Variants in ATXN2 observed in about 807,000 individuals in gnomAD.
ATXN2 encodes the protein ataxin 2, also known as ataxin-2.
Under a neutral mutation model 138.6 loss-of-function variants are expected in ATXN2, and 37 were observed. The observed-to-expected ratio is 0.27, with a 90% confidence interval of 0.21 to 0.35. ATXN2 has a LOEUF of 0.35. ATXN2 is among the 10% of genes least tolerant of loss of function. The pLI, the probability that ATXN2 is intolerant of heterozygous loss-of-function variation, is 1.00. For missense variants in ATXN2, 1,216 were observed against 1,480.3 expected (o/e 0.82, Z 2.93); for synonymous variants, 549 against 543.7 (o/e 1.01, Z -0.13).
In ATXN2 at chr12:111,539,588, A is replaced by G. The variant is rs529426826; in HGVS notation, c.571+12692T>C. ...CGGTGAAACCCCGTCTCTACTAAAA[A>G]TACAAAAAATTAGCCGGGCGCTGTG... On this transcript the variant is annotated intron_variant, in intron 5 of 24. Transcript: ENST00000673436. Among the ~76,000 whole-genome samples, 13 of 149,832 alleles carry G rather than the reference A, an allele frequency of 8.7e-5. 1 individual carries two copies. Among genetic ancestry groups the G allele is most frequent in the African/African-American group, 2.7e-4 (11 of 41,326 alleles).
At chr12:111,513,116 A>G in intron 11 of ATXN2, 1 of 460,726 alleles carries the variant, frequency 2.2e-6, no homozygotes, top group Non-Finnish European at 3.8e-6. Flanking sequence ...CTAGGCAAGA[A>G]TTATTAACAC....
Position 111,452,510 on chromosome 12 carries a change from A to G in ATXN2, c.*302T>C. On this transcript the variant is annotated 3_prime_UTR_variant, in exon 25 of 25. Coordinates refer to ENST00000673436, the MANE Select transcript of ATXN2 (RefSeq NM_001372574.1). Reference sequence around the variant, plus strand: ...TCTTTTGCTAGCTGATGTGTTCATGACTTTCAAGGGTTATTAAAAAATAAA... The same window carrying G: ...TCTTTTGCTAGCTGATGTGTTCATGGCTTTCAAGGGTTATTAAAAAATAAA... 1 of 274,296 alleles carries G rather than the reference A, an allele frequency of 3.6e-6. No individual in the cohort carries two copies. Among genetic ancestry groups the G allele is most frequent in the Middle Eastern group, 1.1e-3 (1 of 896 alleles). The allele number at this position is 274,296 out of a possible 1,614,324, so 17.0% of individuals were successfully genotyped here.
At chr12:111,557,543 G>A (rs1592898565) in intron 1 of ATXN2, among the ~76,000 whole-genome samples, 1 of 152,242 alleles carries the variant, frequency 6.6e-6, no homozygotes, top group East Asian at 1.9e-4. Context: ...TACTTCACAT[G>A]CAACATGTCT....
chr12:111,470,435 A>G (rs1273758620), intron 19 of ATXN2, 123 bp downstream of exon 19: 6 of 1,224,224 alleles, frequency 4.9e-6, no homozygotes, highest in Non-Finnish European at 6.8e-6. Context: ...AAGGGTCCCC[A>G]AGTCCTTAGC....
At chr12:111,590,210 T>C (rs925527038) in intron 1 of ATXN2, among the ~76,000 whole-genome samples, 3 of 152,020 alleles carry the variant, frequency 2.0e-5, no homozygotes, top group Non-Finnish European at 4.4e-5. Context: ...TGAGACTCTG[T>C]CTCAAAATAA....
At chr12:111,517,364 A>G (rs1198788772) in intron 9 of ATXN2, among the ~76,000 whole-genome samples, 1 of 152,184 alleles carries the variant, frequency 6.6e-6, no homozygotes, top group Non-Finnish European at 1.5e-5. Context: ...GAAAATACTC[A>G]AGAGTGTCCA....
chr12:111,505,076 T>A (rs188528101), intron 14 of ATXN2, among the ~76,000 whole-genome samples: 25 of 152,042 alleles, frequency 1.6e-4, no homozygotes, highest in Admixed American at 1.6e-3. Context: ...AATACAAAAG[T>A]TATTAATAGC....
rs770945681 is a variant in ATXN2, at chr12:111,485,671, A to G, written c.2457+42T>C. 3 of 1,607,548 alleles carry G rather than the reference A, an allele frequency of 1.9e-6. No individual in the cohort carries two copies. The South Asian group carries it at 3.3e-5, about 18-fold the overall frequency. On this transcript the variant is annotated intron_variant, in intron 17 of 24. Transcript: ENST00000673436. ...AAAGAGTGCTTGGTGTCAGATACAA[A>G]CAATTGGGGAGGCTAAGTGAACATC... is the stretch of plus-strand genomic sequence containing the variant.
At chr12:111,533,279 A>G (rs935289577) in intron 5 of ATXN2, among the ~76,000 whole-genome samples, 19 of 152,206 alleles carry the variant, frequency 1.2e-4, no homozygotes, top group Admixed American at 7.2e-4. Flanking sequence ...TTCAGCATCT[A>G]TGGGGGATTG....
intron 14 of ATXN2, among the ~76,000 whole-genome samples, chr12:111,507,965 G>A (rs1016119735): frequency 1.3e-5 from 2 of 152,156 alleles, no homozygotes; most frequent in Admixed American, 6.5e-5. Context: ...AAGGCAGCAT[G>A]CTCGTTAAGA....
chr12:111,593,813 T>A (rs1022883539), intron 1 of ATXN2, among the ~76,000 whole-genome samples: 2 of 152,228 alleles, frequency 1.3e-5, no homozygotes, highest in African/African-American at 4.8e-5. Flanking sequence ...TCAATTAACT[T>A]TTTTGGTCTA....
In ATXN2 at chr12:111,598,704, CGGGGCGGGGACGGCGGCGCGGGCCGCG is replaced by C; in HGVS notation, c.251+53_251+79del. ...CCACCCCGGGTAGCCCGGCGGGTCA[CGGGGCGGGGACGGCGGCGCGGGCCGCG>C]GGGGAGGGGACGCCGGGCCCGGAGC... On this transcript the variant is annotated intron_variant, in intron 1 of 24. Coordinates refer to ENST00000673436, the MANE Select transcript of ATXN2 (RefSeq NM_001372574.1). This position sits in a 1 kb window ranked among gnomAD's most constrained non-coding sequence, Gnocchi z 4.5. 1 of 771,550 alleles carries C rather than the reference CGGGGCGGGGACGGCGGCGCGGGCCGCG, an allele frequency of 1.3e-6. No individual in the cohort carries two copies. The highest frequency in any genetic ancestry group is 1.6e-6 in the Non-Finnish European group (1 of 618,974). The allele number at this position is 771,550 out of a possible 1,614,324, so 47.8% of individuals were successfully genotyped here. A position where few individuals can be genotyped will look rare whatever the true frequency, so the allele number is the denominator to read the frequency against.
Position 111,510,371 on chromosome 12 carries a change from C to T in ATXN2, c.1756+14G>A, listed in dbSNP as rs1327146170. The T allele has an allele frequency of 6.2e-7, 1 of 1,609,866 alleles. No individual in the cohort carries two copies. The highest frequency in any genetic ancestry group is 8.5e-7 in the Non-Finnish European group (1 of 1,177,208). On this transcript the variant is annotated intron_variant, in intron 12 of 24. Transcript: ENST00000673436. The stretch of plus-strand genomic sequence containing the variant: ...CAGCTGAGATTATGGATCCAGAAGC[C>T]CTTTGTTACATACCCTCACTAGAAG...
At chr12:111,510,813 A>G (rs1879461301) in intron 11 of ATXN2, 1 of 337,078 alleles carries the variant, frequency 3.0e-6, no homozygotes, top group Admixed American at 4.6e-5. Context: ...TTTCTCTCCT[A>G]ACTAAATGTA....
At chr12:111,561,321 C>T (rs1249846333) in intron 1 of ATXN2, among the ~76,000 whole-genome samples, 1 of 150,578 alleles carries the variant, frequency 6.6e-6, no homozygotes, top group Non-Finnish European at 1.5e-5. Flanking sequence ...GCTCAAACTC[C>T]ATCACTACTA....
At position 111,598,817 on chromosome 12, in the gene ATXN2, G is replaced by T; in HGVS notation, c.218C>A (p.Ala73Glu). Reference sequence around the variant, plus strand: ...GCCGGGCCTCCCGCCGCCGGAGGTCGCCGCGACCACCGAGGAGGGAGCCGT... The same window carrying T: ...GCCGGGCCTCCCGCCGCCGGAGGTCTCCGCGACCACCGAGGAGGGAGCCGT... ...SATAPSSVVA[A>E]TSGGGRPGLG... Residue 73 changes from alanine (A) to glutamate (E), a missense_variant, in exon 1 of 25, where the codon GCG becomes GAG. Ala to Glu is a moderately radical substitution (Grantham distance 107). Transcript: ENST00000673436. The surrounding 1 kb of genome is among the most constrained non-coding windows in gnomAD (Gnocchi z 4.5). 1.4e-6 allele frequency: 2 copies of T among 1,413,696 alleles called. No homozygotes were observed. Among genetic ancestry groups the T allele is most frequent in the South Asian group, 2.8e-5 (2 of 70,578 alleles). The allele number at this position is 1,413,696 out of a possible 1,614,324, so 87.6% of individuals were successfully genotyped here.
intron 15 of ATXN2, among the ~76,000 whole-genome samples, chr12:111,487,836 A>G (rs1214717374): frequency 1.3e-5 from 2 of 152,164 alleles, no homozygotes; most frequent in African/African-American, 4.8e-5. Flanking sequence ...ATGGCTGTAA[A>G]AAAAAATTGC....
In ATXN2 at chr12:111,470,661, A is replaced by G; in HGVS notation, c.2606T>C (p.Ile869Thr). The G allele has an allele frequency of 1.9e-6, 3 of 1,614,150 alleles. No homozygotes were observed. The highest frequency in any genetic ancestry group is 2.5e-6 in the Non-Finnish European group (3 of 1,180,026). Residue 869 changes from isoleucine (I) to threonine (T), a missense_variant, in exon 19 of 25, where the codon ATT becomes ACT. By Grantham distance (89) the Ile-to-Thr change is moderately conservative. This residue lies in a region of ATXN2 where 490 missense variants were observed against 653.5 expected (regional missense o/e 0.75). Transcript: ENST00000673436. ...MHPASAAGPPIAATPPAYSTQ... is the reference protein window; with the variant it reads ...MHPASAAGPPTAATPPAYSTQ... ...GGAGTAAGCTGGTGGGGTGGCTGCAATCGGTGGGCCCGCTGCTGACGCTGG... is the reference window on the plus strand; with the variant it reads ...GGAGTAAGCTGGTGGGGTGGCTGCAGTCGGTGGGCCCGCTGCTGACGCTGG...
At chr12:111,490,766 C>A (rs753100804) in intron 14 of ATXN2, among the ~76,000 whole-genome samples, 51 of 152,096 alleles carry the variant, frequency 3.4e-4, no homozygotes, top group Non-Finnish European at 5.7e-4. Context: ...GACATTCCCC[C>A]ACAATGCAGT....
Sources: gnomAD v4.1 joint callset for allele counts (sites outside exome capture counted in the v4.1 genomes callset) on GRCh38, gnomAD v4.1.1 for gene constraint, gnomAD v4.1.1 regional missense constraint, Gnocchi (gnomAD v3.1) non-coding constraint, MANE v1.5 for transcripts, NCBI Gene and HGNC (gene_info 2026-07-23, HGNC 2026-07-21) for gene names.